Variants in CLCN7 observed in about 807,000 individuals in gnomAD.
The protein encoded by CLCN7 is Cl-/H+ antiporter 7, also known as H(+)/Cl(-) exchange transporter 7.
CLCN7 carries 60 observed loss-of-function variants against 102.1 expected under a neutral mutation model. The observed-to-expected ratio is 0.59, with a 90% confidence interval of 0.48 to 0.73. CLCN7 has a LOEUF of 0.73. Among genes scored for constraint, CLCN7 ranks in the 30% least tolerant of loss-of-function variants. The probability of loss-of-function intolerance (pLI) is 0.00; values close to 1 mark genes in which losing one functional copy is unlikely to be tolerated. For synonymous variants in CLCN7, 560 were observed against 490.5 expected (o/e 1.14, Z -1.87); for missense variants, 962 against 1,125.7 (o/e 0.85, Z 2.08).
At position 1,445,886 on chromosome 16, in the gene CLCN7, A is replaced by G; in HGVS notation, c.*745T>C. On this transcript the variant is annotated 3_prime_UTR_variant, in exon 25 of 25. Transcript: ENST00000382745. ...GGCTGGGTGTGGGGCCCAGACTCCA[A>G]GCTCTGGGGGTTGGGGGACCAAGGC... is the stretch of plus-strand genomic sequence containing the variant. 4.9e-6 allele frequency: 1 copy of G among 203,434 alleles called. No homozygotes were observed. The allele number at this position is 203,434 out of a possible 1,614,324, so 12.6% of individuals were successfully genotyped here.
intron 1 of CLCN7, chr16:1,472,437 G>T (rs1388436782): frequency 1.3e-5 from 2 of 152,140 alleles, no homozygotes; most frequent in African/African-American, 2.4e-5. Context: ...CACCATGTTG[G>T]CCAGGCTGGT....
rs1407255432 is a variant in CLCN7, at chr16:1,445,835, GCT to G, written c.*794_*795del. On this transcript the variant is annotated 3_prime_UTR_variant, in exon 25 of 25. Coordinates refer to ENST00000382745, the MANE Select transcript of CLCN7 (RefSeq NM_001287.6). ...AGTGTCCACAGGGCAGCAATTCCACGCTCTGAGGCTCAGGGACCAAGGCAGGG... is the reference window on the plus strand; with the variant it reads ...AGTGTCCACAGGGCAGCAATTCCACGCTGAGGCTCAGGGACCAAGGCAGGG... 5.8e-6 allele frequency: 1 copy of G among 172,098 alleles called. No individual in the cohort carries two copies. Among genetic ancestry groups the G allele is most frequent in the Non-Finnish European group, 1.2e-5 (1 of 80,838 alleles). The allele number at this position is 172,098 out of a possible 1,614,324, so 10.7% of individuals were successfully genotyped here. A position where few individuals can be genotyped will look rare whatever the true frequency, so the allele number is the denominator to read the frequency against.
At position 1,455,712 on chromosome 16, in the gene CLCN7, G is replaced by A; in HGVS notation, c.981+19C>T. On this transcript the variant is annotated intron_variant, in intron 11 of 24. Coordinates refer to ENST00000382745, the MANE Select transcript of CLCN7 (RefSeq NM_001287.6). ...CAGCATGCACCCTGATCAGGAGGCA[G>A]CCATCAGCAGGAACTTACGATCCTC... 2 of 1,612,608 alleles carry A rather than the reference G, an allele frequency of 1.2e-6. No individual in the cohort carries two copies. Among genetic ancestry groups the A allele is most frequent in the Non-Finnish European group, 1.7e-6 (2 of 1,178,924 alleles).
chr16:1,453,362 C>T (rs1420459213), intron 14 of CLCN7, among the ~76,000 whole-genome samples: 2 of 152,180 alleles, frequency 1.3e-5, no homozygotes, highest in African/African-American at 4.8e-5. Context: ...TGGGGTCGTC[C>T]TCTTCCCTGG....
At chr16:1,450,975 G>A (rs768264163) in intron 16 of CLCN7, among the ~76,000 whole-genome samples, 27 of 152,254 alleles carry the variant, frequency 1.8e-4, no homozygotes, top group Non-Finnish European at 4.4e-5. Flanking sequence ...CTCCATGGGT[G>A]TGCACCGTGG....
At chr16:1,458,321 G>T (rs1006014581) in intron 7 of CLCN7, among the ~76,000 whole-genome samples, 5 of 152,264 alleles carry the variant, frequency 3.3e-5, no homozygotes, top group African/African-American at 7.2e-5. Flanking sequence ...TGAGTGTGTG[G>T]GGGAGGACTG....
Position 1,448,782 on chromosome 16 carries a change from G to A in CLCN7, c.1798-16C>T. On this transcript the variant is annotated splice_polypyrimidine_tract_variant and intron_variant, in intron 19 of 24. Transcript: ENST00000382745. ...CGTACAGGCCCTGCGGGCGGGGCGG[G>A]AACACAGGGCTTGAGGAGTCCACAC... is the stretch of plus-strand genomic sequence containing the variant. 1 of 1,609,374 alleles carries A rather than the reference G, an allele frequency of 6.2e-7. No homozygotes were observed. The highest frequency in any genetic ancestry group is 8.5e-7 in the Non-Finnish European group (1 of 1,179,794).
chr16:1,454,481 G>A lies in CLCN7; in HGVS notation c.1099-16C>T. 6.2e-7 allele frequency: 1 copy of A among 1,612,608 alleles called. No homozygotes were observed. The highest frequency in any genetic ancestry group is 1.1e-5 in the South Asian group (1 of 91,072). ...AGGCCATTTTCTGTGCAGAGAGAGG[G>A]AGAAGGCAGAGGATGTGAGGGAAAA... On this transcript the variant is annotated splice_polypyrimidine_tract_variant and intron_variant, in intron 12 of 24. Transcript: ENST00000382745.
chr16:1,468,962 G>A (rs1048553690), intron 1 of CLCN7, among the ~76,000 whole-genome samples: 10 of 151,598 alleles, frequency 6.6e-5, no homozygotes, highest in Admixed American at 2.6e-4. Flanking sequence ...AGGCCAAGGC[G>A]GGCAGATCAC....
At chr16:1,473,351 T>C (rs2039103373) in intron 1 of CLCN7, among the ~76,000 whole-genome samples, 1 of 151,686 alleles carries the variant, frequency 6.6e-6, no homozygotes, top group Non-Finnish European at 1.5e-5. Flanking sequence ...AACAGGCTGA[T>C]TTTCGTGTCC....
At chr16:1,454,644 G>A (rs1420231287) in intron 12 of CLCN7, among the ~76,000 whole-genome samples, 179 bp from the exon 13 acceptor site, 3 of 152,234 alleles carry the variant, frequency 2.0e-5, no homozygotes, top group African/African-American at 7.2e-5. Context: ...GAGCAGGCCT[G>A]GCCCCTGCCT....
At chr16:1,463,860 C>T (rs2142393614) in intron 2 of CLCN7, among the ~76,000 whole-genome samples, 1 of 152,130 alleles carries the variant, frequency 6.6e-6, no homozygotes, top group East Asian at 1.9e-4. Context: ...CTGAAACCTC[C>T]ACCTCCTGGG....
intron 10 of CLCN7, 102 bp downstream of exon 10, chr16:1,456,011 C>T: frequency 8.9e-7 from 1 of 1,122,970 alleles, no homozygotes; most frequent in Non-Finnish European, 1.3e-6. Context: ...TGACTCCAAG[C>T]CTCTGCCACC....
chr16:1,456,292 G>T, intron 9 of CLCN7, 86 bp from the exon 10 acceptor site: 2 of 1,006,818 alleles, frequency 2.0e-6, no homozygotes, highest in Non-Finnish European at 3.1e-6. Context: ...GACAGGGGCT[G>T]TGCAGGGGAA....
chr16:1,464,469 G>A (rs1219341943), intron 2 of CLCN7, among the ~76,000 whole-genome samples: 3 of 152,268 alleles, frequency 2.0e-5, no homozygotes, highest in Admixed American at 6.5e-5. Context: ...TCCAGAGGCA[G>A]CACAAACGTA....
chr16:1,453,831 C>A lies in CLCN7; in HGVS notation c.1214+3G>T. 1 of 1,613,322 alleles carries A rather than the reference C, an allele frequency of 6.2e-7. No homozygotes were observed. Among genetic ancestry groups the A allele is most frequent in the Non-Finnish European group, 8.5e-7 (1 of 1,179,962 alleles). On this transcript the variant is annotated splice_donor_region_variant and intron_variant, in intron 14 of 24. Coordinates refer to ENST00000382745, the MANE Select transcript of CLCN7 (RefSeq NM_001287.6). Reference sequence around the variant, plus strand: ...CGCGATATGCAATGCGGTTTCTCCTCACCTGATTCGAAACATGGTCAGCCA... The same window carrying A: ...CGCGATATGCAATGCGGTTTCTCCTAACCTGATTCGAAACATGGTCAGCCA...
intron 17 of CLCN7, chr16:1,449,720 G>A (rs375816855): frequency 2.1e-5 from 6 of 281,310 alleles, no homozygotes; most frequent in South Asian, 7.0e-5. Flanking sequence ...AGCGGGGCAC[G>A]AGGGTCGGTG....
intron 2 of CLCN7, among the ~76,000 whole-genome samples, chr16:1,462,685 A>AAAAAAAAAC (rs1567273432): frequency 6.6e-6 from 1 of 151,800 alleles, no homozygotes; most frequent in African/African-American, 2.4e-5. Context: ...AAAAAAAAAA[A>AAAAAAAAAC]AACCAGGCAT....
In CLCN7 at chr16:1,465,328, G is replaced by C. The variant is rs1222828455; in HGVS notation, c.152C>G (p.Ser51Cys). The C allele has an allele frequency of 6.2e-7, 1 of 1,613,486 alleles. No individual in the cohort carries two copies. The highest frequency in any genetic ancestry group is 1.1e-5 in the South Asian group (1 of 90,950). Residue 51 changes from serine to cysteine, a missense_variant, in exon 2 of 25, where the codon TCT (serine) becomes TGT (cysteine). Around this residue, in one of 2 missense-constraint regions of CLCN7, gnomAD observed 163 missense variants for 137.7 expected, o/e 1.18. Coordinates refer to ENST00000382745, the MANE Select transcript of CLCN7 (RefSeq NM_001287.6). ...GPGAARQSPR[S>C]ALFRVGHMSS... is the part of the protein sequence containing the mutation. ...CATATGTCCGACTCGGAAAAGCGCA[G>C]AACGTGGTGACTAAAAGCAGAAGAG...
Sources: gnomAD v4.1 joint callset for allele counts (sites outside exome capture counted in the v4.1 genomes callset) on GRCh38, gnomAD v4.1.1 for gene constraint, gnomAD v4.1.1 regional missense constraint, MANE v1.5 for transcripts, NCBI Gene and HGNC (gene_info 2026-07-23, HGNC 2026-07-21) for gene names.